Variants in TENM2 observed in about 807,000 individuals in gnomAD.
TENM2 encodes the protein teneurin transmembrane protein 2, also known as teneurin-2.
In TENM2, 52 loss-of-function variants were observed where a neutral mutation model predicts 245.2. The ratio of observed to expected loss-of-function variants is 0.21; its 90% CI spans 0.17 to 0.27. The LOEUF (loss-of-function observed/expected upper bound fraction) is 0.27, where lower values mean the gene tolerates loss of function less well. Ranked by LOEUF, TENM2 falls within the 10% of genes least tolerant of loss-of-function variation. The pLI is 1.00. For synonymous variants in TENM2, 1,363 were observed against 1,438.9 expected (o/e 0.95, Z 1.19); for missense variants, 3,046 against 3,666.8 (o/e 0.83, Z 4.37).
intron 4 of TENM2, among the ~76,000 whole-genome samples, chr5:167,978,238 C>T (rs1459493151): frequency 2.0e-5 from 3 of 152,176 alleles, no homozygotes; most frequent in Admixed American, 6.5e-5. Flanking sequence ...TACTGAGGCA[C>T]CTCTATGATG....
At chr5:167,692,870 C>T (rs377441039) in intron 2 of TENM2, among the ~76,000 whole-genome samples, 1 of 152,184 alleles carries the variant, frequency 6.6e-6, no homozygotes. Flanking sequence ...GTTGCATATG[C>T]ACTCATGCTG....
intron 5 of TENM2, among the ~76,000 whole-genome samples, chr5:168,032,577 C>T (rs1031313929): frequency 1.3e-5 from 2 of 152,180 alleles, no homozygotes; most frequent in Non-Finnish European, 2.9e-5. Flanking sequence ...GGACCGATCC[C>T]ATAGGTCCAG....
At chr5:167,856,233 C>A (rs905623270) in intron 2 of TENM2, among the ~76,000 whole-genome samples, 1 of 152,098 alleles carries the variant, frequency 6.6e-6, no homozygotes, top group Admixed American at 6.5e-5. Context: ...TGACCAGTCA[C>A]CCCTCCTGCC....
In TENM2 at chr5:167,952,667, C is replaced by A. The variant is rs761995898; in HGVS notation, c.792C>A (p.His264Gln). 1.9e-6 allele frequency: 3 copies of A among 1,613,220 alleles called. No individual in the cohort carries two copies. In the East Asian group the frequency reaches 6.7e-5, roughly 36 times the overall value. ...ACAACCACACGCTGTCCCATCACCACTCGTCCGCCAACTCCCTCAACAGGA... is the reference window on the plus strand; with the variant it reads ...ACAACCACACGCTGTCCCATCACCAATCGTCCGCCAACTCCCTCAACAGGA... The change falls in exon 4 of 29, where the codon CAC becomes CAA. Residue 264 changes from histidine (H) to glutamine (Q), a missense_variant. Physicochemically the swap from His to Gln is conservative, Grantham distance 24. Transcript: ENST00000518659.
At chr5:168,216,227 T>G (rs1763181644) in intron 21 of TENM2, among the ~76,000 whole-genome samples, 1 of 152,126 alleles carries the variant, frequency 6.6e-6, no homozygotes, top group Admixed American at 6.5e-5. Context: ...AACAGGGGAA[T>G]GCTAGGCCCC....
rs1369162082 is a variant in TENM2, at chr5:168,227,875, C to A, written c.5285-20C>A. The A allele has an allele frequency of 3.3e-6, 5 of 1,511,682 alleles. No homozygotes were observed. Among genetic ancestry groups the A allele is most frequent in the Non-Finnish European group, 3.6e-6 (4 of 1,099,404 alleles). 93.6% of individuals were successfully genotyped at this position (1,511,682 alleles called of 1,614,324 possible). ...GGATAATTTATTTCCCTATCCCCAC[C>A]CCCACTTACATTTTTCCAGATCAAG... On this transcript the variant is annotated intron_variant, in intron 24 of 28. Transcript: ENST00000518659.
chr5:167,108,842 A>T, the TENM2 span, among the ~76,000 whole-genome samples: 1 of 152,202 alleles, frequency 6.6e-6, no homozygotes, highest in Non-Finnish European at 1.5e-5. Context: ...TGAAGGCCTG[A>T]ATAAAAGAGC....
chr5:167,648,203 G>A (rs541935479), intron 2 of TENM2, among the ~76,000 whole-genome samples: 5 of 152,310 alleles, frequency 3.3e-5, no homozygotes, highest in African/African-American at 1.2e-4. Context: ...AGCTTTGTCA[G>A]GCTTATGCCC....
At chr5:168,216,860 G>A (rs1763241829) in exon 22 of TENM2, 1 of 1,613,830 alleles carries the variant, frequency 6.2e-7, no homozygotes, top group African/African-American at 1.3e-5. Context: ...CACCCTGCTG[G>A]GCTCCAATGA....
the TENM2 span, among the ~76,000 whole-genome samples, chr5:167,066,641 A>G: frequency 1.3e-5 from 2 of 149,494 alleles, no homozygotes; most frequent in East Asian, 2.0e-4. Context: ...ATGTCCTTAT[A>G]TATTTCATGA....
At chr5:167,552,822 C>T (rs191042194) in intron 2 of TENM2, among the ~76,000 whole-genome samples, 2 of 152,180 alleles carry the variant, frequency 1.3e-5, no homozygotes, top group South Asian at 2.1e-4. Context: ...CATTGCCCCT[C>T]ATGGTTGCAT....
intron 22 of TENM2, among the ~76,000 whole-genome samples, chr5:168,217,714 G>A (rs1763321505): frequency 6.6e-6 from 1 of 152,180 alleles, no homozygotes; most frequent in Non-Finnish European, 1.5e-5. Flanking sequence ...ATTAGATACA[G>A]GTGCCGCCTC....
intron 2 of TENM2, among the ~76,000 whole-genome samples, chr5:167,842,537 C>T (rs912126873): frequency 5.4e-5 from 7 of 129,504 alleles, no homozygotes; most frequent in Non-Finnish European, 9.3e-5. Flanking sequence ...TGCAGTCAGC[C>T]GAGATCATGC....
chr5:167,852,396 C>G (rs1051708074), intron 2 of TENM2, among the ~76,000 whole-genome samples: 2 of 152,152 alleles, frequency 1.3e-5, no homozygotes, highest in African/African-American at 4.8e-5. Flanking sequence ...ACAGCAACAG[C>G]TTTTATAAAA....
rs555963335 is a variant in TENM2, at chr5:167,606,197, G to A, written c.502+230724G>A. On this transcript the variant is annotated intron_variant, in intron 2 of 28. Coordinates refer to ENST00000518659, the Ensembl canonical transcript of TENM2. The stretch of plus-strand genomic sequence containing the variant: ...GGATGGTGATGGCAGGAGGAAAACT[G>A]CAATCTAAGTGCACTTGTCAGCTCC... Among the ~76,000 whole-genome samples, 19 of 152,280 alleles carry A rather than the reference G, an allele frequency of 1.2e-4. No homozygotes were observed. In the South Asian group the frequency reaches 3.9e-3, roughly 32 times the overall value.
chr5:167,309,692 G>GT (rs1755902531), intron 1 of TENM2: 1 of 152,136 alleles, frequency 6.6e-6, no homozygotes. Context: ...TTTGTCCCTA[G>GT]TTTTGTTTGG....
intron 10 of TENM2, among the ~76,000 whole-genome samples, chr5:168,121,987 AGTT>A (rs991221472): frequency 1.1e-4 from 16 of 152,256 alleles, no homozygotes; most frequent in African/African-American, 3.9e-4. Flanking sequence ...GCAAGAAAGA[AGTT>A]GTTAGCACAA....
intron 2 of TENM2, among the ~76,000 whole-genome samples, chr5:167,646,111 C>CAT (rs1287370756): frequency 6.8e-6 from 1 of 146,336 alleles, no homozygotes; most frequent in East Asian, 2.0e-4. Flanking sequence ...TACACACACA[C>CAT]ATATATATGT....
At chr5:168,009,645 T>C (rs1341513320) in intron 5 of TENM2, among the ~76,000 whole-genome samples, 7 of 152,202 alleles carry the variant, frequency 4.6e-5, no homozygotes, top group Non-Finnish European at 8.8e-5. Flanking sequence ...CTGGGGAATT[T>C]AGAATTAGCC....
Sources: allele counts gnomAD v4.1 joint callset (sites outside exome capture counted in the v4.1 genomes callset), GRCh38; gene constraint gnomAD v4.1.1; transcripts MANE v1.5; gene names NCBI Gene and HGNC (gene_info 2026-07-23, HGNC 2026-07-21).